SYT1: variants seen among roughly 807,000 people sequenced by gnomAD.
SYT1 encodes the protein synaptotagmin-1.
Under a neutral mutation model 44.8 loss-of-function variants are expected in SYT1, and 8 were observed. The observed-to-expected ratio is 0.18, with a 90% CI of 0.10 to 0.32. The LOEUF (loss-of-function observed/expected upper bound fraction) is 0.32, where lower values mean the gene tolerates loss of function less well. Ranked by LOEUF, SYT1 falls within the 10% of genes least tolerant of loss-of-function variation. SYT1 has a pLI of 1.00. For missense variants in SYT1, 286 were observed against 509.3 expected, an observed-to-expected ratio of 0.56 and a Z score of 4.22; for synonymous variants, 154 against 188.8, an observed-to-expected ratio of 0.82 and a Z score of 1.51.
chr12:79,061,139 A>G (rs777113540), intron 3 of SYT1, among the ~76,000 whole-genome samples: 5 of 152,092 alleles, frequency 3.3e-5, no homozygotes, highest in Non-Finnish European at 5.9e-5. Context: ...GTTTTCTACT[A>G]CTACCATTTA....
intron 3 of SYT1, among the ~76,000 whole-genome samples, chr12:79,119,494 A>G (rs1241976048): frequency 1.3e-5 from 2 of 151,664 alleles, no homozygotes; most frequent in African/African-American, 2.4e-5. Context: ...TTTTTTAGTC[A>G]TAACTTTTCT....
At chr12:79,338,276 C>CT (rs58399069) in intron 8 of SYT1, among the ~76,000 whole-genome samples, 95 of 144,842 alleles carry the variant, frequency 6.6e-4, no homozygotes, top group East Asian at 1.8e-3. Context: ...TTTCTTTTTC[C>CT]TTTTTTTTTT....
intron 4 of SYT1, among the ~76,000 whole-genome samples, chr12:79,228,824 T>C (rs1416641937): frequency 6.6e-6 from 1 of 152,212 alleles, no homozygotes; most frequent in Non-Finnish European, 1.5e-5. Flanking sequence ...CTCATGATTT[T>C]CTCTCTTCCT....
intron 3 of SYT1, among the ~76,000 whole-genome samples, chr12:79,199,517 C>T (rs984138714): frequency 6.6e-6 from 1 of 152,064 alleles, no homozygotes; most frequent in African/African-American, 2.4e-5. Flanking sequence ...CCTCCATTCT[C>T]ACCATAGAAA....
chr12:79,221,900 A>G (rs2138580092), intron 4 of SYT1, among the ~76,000 whole-genome samples: 1 of 152,230 alleles, frequency 6.6e-6, no homozygotes, highest in African/African-American at 2.4e-5. Context: ...CAAATTTTAT[A>G]CTTTTAAATG....
intron 3 of SYT1, among the ~76,000 whole-genome samples, chr12:79,170,122 A>G (rs547933444): frequency 6.6e-6 from 1 of 152,168 alleles, no homozygotes; most frequent in East Asian, 1.9e-4. Flanking sequence ...GGTTGATTCC[A>G]TATCTTTGCT....
intron 2 of SYT1, among the ~76,000 whole-genome samples, chr12:78,994,620 C>T (rs1363558188): frequency 2.7e-5 from 4 of 148,440 alleles, no homozygotes; most frequent in African/African-American, 7.4e-5. Context: ...ACTGCAACCT[C>T]CACCCTCTGA....
chr12:79,345,159 A>G (rs1882552227), intron 8 of SYT1, among the ~76,000 whole-genome samples: 1 of 152,044 alleles, frequency 6.6e-6, no homozygotes. Context: ...TCCTCCTCCC[A>G]CAGACACCAG....
chr12:78,970,241 G>T (rs1868342724), intron 1 of SYT1, among the ~76,000 whole-genome samples: 1 of 152,156 alleles, frequency 6.6e-6, no homozygotes, highest in African/African-American at 2.4e-5. Flanking sequence ...ATTGTTATTT[G>T]TATTTGTGGG....
chr12:78,988,847 A>G (rs1869832518), intron 2 of SYT1, among the ~76,000 whole-genome samples: 1 of 152,160 alleles, frequency 6.6e-6, no homozygotes, highest in Non-Finnish European at 1.5e-5. Context: ...TTCTGTATAG[A>G]AGACAATATT....
Position 78,993,948 on chromosome 12 carries a change from C to T in SYT1, c.-84+16017C>T, listed in dbSNP as rs1427469667. ...TAAAGAAAGAATAAAGCTGACACAA[C>T]TTAATAATTATGAAACATTTTTTCT... is the stretch of plus-strand genomic sequence containing the variant. On this transcript the variant is annotated intron_variant, in intron 2 of 10. Transcript: ENST00000261205. Among the ~76,000 whole-genome samples, 3 of 152,150 alleles carry T rather than the reference C, an allele frequency of 2.0e-5. No homozygotes were observed. The East Asian group carries it at 5.8e-4, about 29-fold the overall frequency.
At chr12:78,946,968 T>C (rs1323931270) in intron 1 of SYT1, among the ~76,000 whole-genome samples, 1 of 152,190 alleles carries the variant, frequency 6.6e-6, no homozygotes, top group Non-Finnish European at 1.5e-5. Flanking sequence ...TGAGTCTGCC[T>C]CTTAGTAAAA....
chr12:79,036,194 A>G (rs1299003204), intron 2 of SYT1, among the ~76,000 whole-genome samples: 3 of 151,828 alleles, frequency 2.0e-5, no homozygotes, highest in South Asian at 2.1e-4. Flanking sequence ...GTCAAGACTA[A>G]ATGAGCATTG....
intron 3 of SYT1, among the ~76,000 whole-genome samples, chr12:79,077,122 G>T (rs1380403880): frequency 6.6e-6 from 1 of 151,948 alleles, no homozygotes; most frequent in Non-Finnish European, 1.5e-5. Context: ...TTCTACTTTG[G>T]TCTGCTGCTG....
At chr12:78,973,827 T>C in intron 1 of SYT1, among the ~76,000 whole-genome samples, 1 of 147,482 alleles carries the variant, frequency 6.8e-6, no homozygotes, top group African/African-American at 2.5e-5. Context: ...TTCTAGGTCC[T>C]AGACATGTAG....
At chr12:79,361,885 G>T (rs1326925510) in intron 9 of SYT1, among the ~76,000 whole-genome samples, 3 of 152,140 alleles carry the variant, frequency 2.0e-5, no homozygotes, top group Non-Finnish European at 4.4e-5. Flanking sequence ...TTTTAGCAAG[G>T]GCTAATTCTG....
chr12:79,187,842 C>G (rs1054008787), intron 3 of SYT1, among the ~76,000 whole-genome samples: 2 of 152,136 alleles, frequency 1.3e-5, no homozygotes, highest in Admixed American at 1.3e-4. Context: ...TCTCTCAAGA[C>G]AGCCTACCAC....
chr12:79,062,289 A>C (rs2137848958), intron 3 of SYT1, among the ~76,000 whole-genome samples: 1 of 152,254 alleles, frequency 6.6e-6, no homozygotes, highest in East Asian at 1.9e-4. Context: ...CAATTCTGAG[A>C]GTGTCCTATT....
intron 4 of SYT1, among the ~76,000 whole-genome samples, chr12:79,245,863 ATAACAGTAGAC>A (rs1015379831): frequency 6.6e-6 from 1 of 152,086 alleles, no homozygotes; most frequent in Non-Finnish European, 1.5e-5. Context: ...AAAAGAATAT[ATAACAGTAGAC>A]TAACACTTTT....
Sources: allele counts gnomAD v4.1 joint callset (sites outside exome capture counted in the v4.1 genomes callset), GRCh38; gene constraint gnomAD v4.1.1; transcripts MANE v1.5; gene names NCBI Gene and HGNC (gene_info 2026-07-23, HGNC 2026-07-21).